TRIM66: variants seen among roughly 807,000 people sequenced by gnomAD.
TRIM66 encodes tripartite motif-containing protein 66.
TRIM66 carries 99 observed loss-of-function variants against 148.2 expected under a neutral mutation model. That is an observed-to-expected ratio of 0.67 (90% CI 0.57 to 0.79). The LOEUF is 0.79. TRIM66 is among the 30% of genes least tolerant of loss of function. The probability of loss-of-function intolerance (pLI) is 0.00; values close to 1 mark genes in which losing one functional copy is unlikely to be tolerated. For synonymous variants in TRIM66, 616 were observed against 635.9 expected (o/e 0.97, Z 0.47); for missense variants, 1,666 against 1,697.9 (o/e 0.98, Z 0.33).
intron 13 of TRIM66, among the ~76,000 whole-genome samples, 174 bp downstream of exon 13, chr11:8,642,835 T>C (rs982022168): frequency 9.3e-5 from 7 of 75,310 alleles, no homozygotes; most frequent in Middle Eastern, 0.012. Flanking sequence ...TCCTCTCCTC[T>C]TCCCCCTCAA....
At chr11:8,640,103 A>T in intron 14 of TRIM66, 124 bp downstream of exon 14, 1 of 955,220 alleles carries the variant, frequency 1.0e-6, no homozygotes, top group Non-Finnish European at 1.5e-6. Flanking sequence ...GTGAGGGCTG[A>T]GCTCAAGGCA....
At chr11:8,632,291 G>C (rs1422256241) in intron 15 of TRIM66, among the ~76,000 whole-genome samples, 1 of 152,050 alleles carries the variant, frequency 6.6e-6, no homozygotes, top group Non-Finnish European at 1.5e-5. Context: ...CTGGGTGGCA[G>C]AGTGAGATTT....
chr11:8,672,000 C>T lies in TRIM66; in HGVS notation c.126G>A (p.Met42Ile). Residue 42 changes from methionine (M) to isoleucine (I), a missense_variant, in exon 6 of 25, where the codon ATG becomes ATA. Physicochemically the swap from Met to Ile is conservative, Grantham distance 10. Transcript: ENST00000646038. ...LGTGMAVDMG[M>I]SFMGLPLAGQ... ...CAGCTAGTGGCAGCCCCATAAAGCT[C>T]ATGCCCATGTCCACAGCCATGCCTG... The T allele has an allele frequency of 6.5e-7, 1 of 1,536,090 alleles. No individual in the cohort carries two copies. Among genetic ancestry groups the T allele is most frequent in the Non-Finnish European group, 8.7e-7 (1 of 1,146,924 alleles).
In TRIM66 at chr11:8,622,974, C is replaced by T. The variant is rs1034713240; in HGVS notation, c.3020-98G>A. 4.7e-6 allele frequency: 5 copies of T among 1,069,904 alleles called. No individual in the cohort carries two copies. The African/African-American group carries it at 6.3e-5, about 13-fold the overall frequency. The allele number at this position is 1,069,904 out of a possible 1,614,324, so 66.3% of individuals were successfully genotyped here. A position where few individuals can be genotyped will look rare whatever the true frequency, so the allele number is the denominator to read the frequency against. ...TTATATCTGCTATTCATACCTTTGGCCACACATCTGTCATACAGTAGTTAC... is the reference window on the plus strand; with the variant it reads ...TTATATCTGCTATTCATACCTTTGGTCACACATCTGTCATACAGTAGTTAC... On this transcript the variant is annotated intron_variant, in intron 17 of 24. Coordinates refer to ENST00000646038, the MANE Select transcript of TRIM66 (RefSeq NM_001388022.1).
At chr11:8,678,416 A>G (rs1057381052) in intron 3 of TRIM66, among the ~76,000 whole-genome samples, 3 of 152,262 alleles carry the variant, frequency 2.0e-5, no homozygotes, top group Non-Finnish European at 2.9e-5. Context: ...AAGGATTTGT[A>G]TACTATGATC....
chr11:8,624,939 G>A lies in TRIM66; in HGVS notation c.2600C>T (p.Pro867Leu), dbSNP rs940164501. 25 of 1,551,552 alleles carry A rather than the reference G, an allele frequency of 1.6e-5. 1 individual carries two copies. In the Admixed American group the frequency reaches 4.3e-4, roughly 27 times the overall value. ...ACTTGCCAGGCTTGCCATAGCCTGA[G>A]GGGAGTCACTTATCAGGTTGGGCAT... is the stretch of plus-strand genomic sequence containing the variant. Reference protein sequence around the residue: ...QSMPNLISDSPQAMASLASDH... With the variant: ...QSMPNLISDSLQAMASLASDH... Residue 867 changes from proline (P) to leucine (L), a missense_variant, in exon 16 of 25, where the codon CCT becomes CTT. By Grantham distance (98) the Pro-to-Leu change is moderately conservative. Coordinates refer to ENST00000646038, the MANE Select transcript of TRIM66 (RefSeq NM_001388022.1).
In TRIM66 at chr11:8,640,554, TGGTGGTGGA is replaced by T. The variant is rs1565515156; in HGVS notation, c.1812_1820del (p.Pro606_Pro608del). 1 of 1,372,626 alleles carries T rather than the reference TGGTGGTGGA, an allele frequency of 7.3e-7. No homozygotes were observed. Among genetic ancestry groups the T allele is most frequent in the Non-Finnish European group, 9.9e-7 (1 of 1,010,042 alleles). 85.0% of individuals were successfully genotyped at this position (1,372,626 alleles called of 1,614,324 possible). A position where few individuals can be genotyped will look rare whatever the true frequency, so the allele number is the denominator to read the frequency against. On this transcript the variant is annotated inframe_deletion, in exon 14 of 25. Coordinates refer to ENST00000646038, the MANE Select transcript of TRIM66 (RefSeq NM_001388022.1). ...GGGGAGGTGGGGGATGGGGGAGGGG[TGGTGGTGGA>T]GGTGGTAGCTGCTGCTGTGGCTGCT...
At chr11:8,680,783 G>A (rs912856506) in intron 1 of TRIM66, 2 of 152,292 alleles carry the variant, frequency 1.3e-5, no homozygotes, top group African/African-American at 4.8e-5. Context: ...ATAAGGACAA[G>A]GACAGAAGGC....
chr11:8,655,451 T>C (rs1009478168), intron 6 of TRIM66, among the ~76,000 whole-genome samples: 3 of 152,124 alleles, frequency 2.0e-5, no homozygotes, highest in East Asian at 1.9e-4. Flanking sequence ...GTACAAATTA[T>C]CCAACCCATT....
intron 7 of TRIM66, among the ~76,000 whole-genome samples, chr11:8,650,475 A>C: frequency 7.5e-6 from 1 of 132,858 alleles, no homozygotes; most frequent in African/African-American, 2.8e-5. Flanking sequence ...GAGGAAGGGA[A>C]GGAGGAAGGG....
At chr11:8,632,636 T>C (rs2035522447) in intron 15 of TRIM66, among the ~76,000 whole-genome samples, 1 of 152,038 alleles carries the variant, frequency 6.6e-6, no homozygotes, top group Non-Finnish European at 1.5e-5. Context: ...TTTTGTATTT[T>C]TACTAGAGAT....
intron 15 of TRIM66, 39 bp from the exon 16 acceptor site, chr11:8,625,267 G>C: frequency 6.9e-7 from 1 of 1,459,154 alleles, no homozygotes; most frequent in South Asian, 1.4e-5. Flanking sequence ...CAGGCTGCTA[G>C]CTGGGAATGG....
chr11:8,678,154 C>T (rs1323566241), intron 3 of TRIM66: 3 of 152,176 alleles, frequency 2.0e-5, no homozygotes, highest in Non-Finnish European at 4.4e-5. Context: ...AGCAGTCTCA[C>T]TTCTGGGAAT....
At chr11:8,620,283 G>A (rs185302569) in intron 21 of TRIM66, among the ~76,000 whole-genome samples, 159 bp from the exon 22 acceptor site, 47 of 152,298 alleles carry the variant, frequency 3.1e-4, no homozygotes, top group African/African-American at 1.1e-3. Context: ...AAAACTGCTA[G>A]GAGAAGGAAA....
chr11:8,644,689 T>G (rs1159826305), intron 12 of TRIM66, among the ~76,000 whole-genome samples: 1 of 152,164 alleles, frequency 6.6e-6, no homozygotes, highest in Non-Finnish European at 1.5e-5. Flanking sequence ...TTTTCCAAGC[T>G]TAAAAAAAAG....
Position 8,637,920 on chromosome 11 carries a change from G to T in TRIM66, c.2310+734C>A, listed in dbSNP as rs576282275. Among the ~76,000 whole-genome samples the T allele has an allele frequency of 6.6e-5, 10 of 152,334 alleles. No individual in the cohort carries two copies. The South Asian group carries it at 1.9e-3, about 28-fold the overall frequency. On this transcript the variant is annotated intron_variant, in intron 15 of 24. Transcript: ENST00000646038. ...TATGACAGGGGTTGGGGGTGAAGGG[G>T]CAGAGGTGAGAATAGATAGTTGAGG... is the stretch of plus-strand genomic sequence containing the variant.
intron 15 of TRIM66, among the ~76,000 whole-genome samples, chr11:8,628,972 C>T (rs1456312016): frequency 2.0e-5 from 3 of 151,978 alleles, no homozygotes; most frequent in Non-Finnish European, 4.4e-5. Context: ...TTATATTTTC[C>T]TTAGTAGTTT....
intron 6 of TRIM66, among the ~76,000 whole-genome samples, chr11:8,655,407 C>A (rs925711157): frequency 1.3e-5 from 2 of 152,190 alleles, no homozygotes; most frequent in African/African-American, 4.8e-5. Context: ...TTACTTTCTA[C>A]ACCATTAAAA....
chr11:8,670,338 C>G (rs1378478330), intron 6 of TRIM66, among the ~76,000 whole-genome samples: 1 of 152,096 alleles, frequency 6.6e-6, no homozygotes, highest in Non-Finnish European at 1.5e-5. Flanking sequence ...GACCCTCACT[C>G]TCCTTCCACC....
Sources: gnomAD v4.1 joint callset for allele counts (sites outside exome capture counted in the v4.1 genomes callset) on GRCh38, gnomAD v4.1.1 for gene constraint, MANE v1.5 for transcripts, NCBI Gene and HGNC (gene_info 2026-07-23, HGNC 2026-07-21) for gene names.